The following TOP2A variants were observed in gnomAD, a reference collection of about 807,000 sequenced individuals.
TOP2A encodes DNA topoisomerase II alpha, also known as DNA topoisomerase 2-alpha.
Under a neutral mutation model 187.2 loss-of-function variants are expected in TOP2A, and 68 were observed. That is an observed-to-expected ratio of 0.36 (90% CI 0.30 to 0.44). TOP2A has a LOEUF of 0.44. Among genes scored for constraint, TOP2A ranks in the 20% least tolerant of loss-of-function variants. The pLI, the probability that TOP2A is intolerant of heterozygous loss-of-function variation, is 1.00. For synonymous variants in TOP2A, 542 were observed against 593.2 expected (o/e 0.91, Z 1.25); for missense variants, 1,196 against 1,808.7 (o/e 0.66, Z 6.14).
intron 20 of TOP2A, among the ~76,000 whole-genome samples, chr17:40,402,520 A>G (rs2035194715): frequency 6.6e-6 from 1 of 152,324 alleles, no homozygotes; most frequent in Middle Eastern, 3.4e-3. Context: ...CCAAATAAAG[A>G]GTTTCAAGAA....
rs755639982 is a variant in TOP2A, at chr17:40,392,668, C to G, written c.3881G>C (p.Trp1294Ser). 6.2e-7 allele frequency: 1 copy of G among 1,613,094 alleles called. No individual in the cohort carries two copies. The highest frequency in any genetic ancestry group is 1.1e-5 in the South Asian group (1 of 91,068). ...PIKKGKKRNP[W>S]SDSESDRSSD... is the part of the protein sequence containing the mutation. The stretch of plus-strand genomic sequence containing the variant: ...GCTCCTATCTGATTCTGAATCAGAC[C>G]AGGGATTTCTCTTCTTTCCTTTTTT... Residue 1294 changes from tryptophan to serine, a missense_variant, in exon 30 of 35, where the codon TGG becomes TCG. This residue lies in a region of TOP2A where 374 missense variants were observed against 403.3 expected (regional missense o/e 0.93). Coordinates refer to ENST00000423485, the MANE Select transcript of TOP2A (RefSeq NM_001067.4).
intron 32 of TOP2A, 170 bp from the exon 33 acceptor site, chr17:40,391,810 C>T (rs547533235): frequency 1.1e-6 from 1 of 892,548 alleles, no homozygotes; most frequent in East Asian, 2.8e-5. Context: ...TTTTTATCAG[C>T]AAGAACAGTT....
At position 40,410,622 on chromosome 17, in the gene TOP2A, C is replaced by T. The variant is rs1272689498; in HGVS notation, c.1203+487G>A. 4 of 456,272 alleles carry T rather than the reference C, an allele frequency of 8.8e-6. No homozygotes were observed. The Admixed American group carries it at 9.4e-5, about 11-fold the overall frequency. 28.3% of individuals were successfully genotyped at this position (456,272 alleles called of 1,614,324 possible). A position where few individuals can be genotyped will look rare whatever the true frequency, so the allele number is the denominator to read the frequency against. Reference sequence around the variant, plus strand: ...AATGGTGAGAAGCTACTGCAGCATCCAAGAGATGATTCTTATTGACCGGAT... The same window carrying T: ...AATGGTGAGAAGCTACTGCAGCATCTAAGAGATGATTCTTATTGACCGGAT... On this transcript the variant is annotated intron_variant, in intron 10 of 34. Coordinates refer to ENST00000423485, the MANE Select transcript of TOP2A (RefSeq NM_001067.4).
rs754086154 is a variant in TOP2A, at chr17:40,406,614, G to T, written c.1813C>A (p.His605Asn). 1 of 1,611,546 alleles carries T rather than the reference G, an allele frequency of 6.2e-7. No individual in the cohort carries two copies. The highest frequency in any genetic ancestry group is 8.5e-7 in the Non-Finnish European group (1 of 1,179,258). Residue 605 changes from histidine (H) to asparagine (N), a missense_variant, in exon 15 of 35, where the codon CAT (histidine) becomes AAT (asparagine). Coordinates refer to ENST00000423485, the MANE Select transcript of TOP2A (RefSeq NM_001067.4). ...TAATATTTGACTTTCCATTTTTTAT[G>T]ATTTGGAGTAGAACTCTTCCACTCT... The part of the protein sequence containing the change: ...FEEWKSSTPN[H>N]KKWKVKYYKG...
At position 40,413,641 on chromosome 17, in the gene TOP2A, T is replaced by G; in HGVS notation, c.333-16A>C. Reference sequence around the variant, plus strand: ...ATTGTTTTCCCTAAGAAAAAAAGATTGAAAATTGTATTTTACAACACATTA... The same window carrying G: ...ATTGTTTTCCCTAAGAAAAAAAGATGGAAAATTGTATTTTACAACACATTA... On this transcript the variant is annotated splice_polypyrimidine_tract_variant and intron_variant, in intron 4 of 34. Transcript: ENST00000423485. 8.3e-7 allele frequency: 1 copy of G among 1,211,596 alleles called. No individual in the cohort carries two copies. The highest frequency in any genetic ancestry group is 1.1e-6 in the Non-Finnish European group (1 of 876,802). The allele number at this position is 1,211,596 out of a possible 1,614,324, so 75.1% of individuals were successfully genotyped here. A position where few individuals can be genotyped will look rare whatever the true frequency, so the allele number is the denominator to read the frequency against.
chr17:40,399,355 G>A (rs2035146041), intron 24 of TOP2A: 1 of 484,732 alleles, frequency 2.1e-6, no homozygotes, highest in Non-Finnish European at 3.7e-6. Flanking sequence ...TTTTTTTTTG[G>A]AGACAGGGTC....
At position 40,399,994 on chromosome 17, in the gene TOP2A, A is replaced by T. The variant is rs2035155019; in HGVS notation, c.3074T>A (p.Leu1025His). ...TCTTAATCCATAATATTTAAGTCTG[A>T]GTTCAAAAAAGTCTCTTAGAATATC... ...VLDILRDFFE[L>H]RLKYYGLRKE... The change falls in exon 24 of 35, where the codon CTC becomes CAC. Residue 1025 changes from leucine to histidine, a missense_variant. By Grantham distance (99) the Leu-to-His change is moderately conservative. Coordinates refer to ENST00000423485, the MANE Select transcript of TOP2A (RefSeq NM_001067.4). The T allele has an allele frequency of 6.2e-7, 1 of 1,613,292 alleles. No individual in the cohort carries two copies. The highest frequency in any genetic ancestry group is 8.5e-7 in the Non-Finnish European group (1 of 1,179,684).
chr17:40,406,737 T>C (rs1044270585), intron 14 of TOP2A, 48 bp from the exon 15 acceptor site: 3 of 1,574,400 alleles, frequency 1.9e-6, no homozygotes, highest in Non-Finnish European at 1.7e-6. Context: ...TGGGGTCCCC[T>C]GTATACCACT....
intron 29 of TOP2A, among the ~76,000 whole-genome samples, chr17:40,394,280 G>C (rs966573186): frequency 6.6e-6 from 1 of 152,050 alleles, no homozygotes; most frequent in Non-Finnish European, 1.5e-5. Context: ...TTTTCTTGGG[G>C]GGCAATAAAT....
chr17:40,396,579 A>G, intron 27 of TOP2A, 114 bp from the exon 28 acceptor site: 2 of 1,316,546 alleles, frequency 1.5e-6, no homozygotes, highest in Non-Finnish European at 2.1e-6. Context: ...CTAGTGATAA[A>G]TTGCTCCATA....
At position 40,404,824 on chromosome 17, in the gene TOP2A, A is replaced by G. The variant is rs982145824; in HGVS notation, c.2013T>C (p.Asp671=). The change falls in exon 17 of 35, where the codon GAT becomes GAC. Residue 671 remains aspartate, a synonymous_variant. Transcript: ENST00000423485. ...GCCCAAGTAACTTTCGTTGTCTTCT[A>G]TCCTCCATGAAATTAGTTAACCATT... ...RKEWLTNFME[D]RRQRKLLGLP... 10 of 1,605,340 alleles carry G rather than the reference A, an allele frequency of 6.2e-6. No individual in the cohort carries two copies. The highest frequency in any genetic ancestry group is 2.2e-5 in the South Asian group (2 of 89,444).
intron 11 of TOP2A, 135 bp downstream of exon 11, chr17:40,408,357 G>A (rs1598616725): frequency 1.0e-6 from 1 of 1,004,728 alleles, no homozygotes; most frequent in East Asian, 2.7e-5. Context: ...ATAGGAAACG[G>A]GCCGATTTTT....
intron 29 of TOP2A, 127 bp from the exon 30 acceptor site, chr17:40,392,864 A>G: frequency 1.3e-6 from 1 of 796,780 alleles, no homozygotes; most frequent in Non-Finnish European, 2.0e-6. Flanking sequence ...GAAAAGAGAC[A>G]GATATGGTCT....
chr17:40,392,546 T>C lies in TOP2A; in HGVS notation c.3964+39A>G, dbSNP rs143936646. The C allele has an allele frequency of 9.5e-5, 151 of 1,585,548 alleles. 2 individuals are homozygous for C. The East Asian group carries it at 3.4e-3, about 35-fold the overall frequency. On this transcript the variant is annotated intron_variant, in intron 30 of 34. Transcript: ENST00000423485. ...CCCTGAAGTATATTGGCCATTCCAC[T>C]CTTACAGTTTATCTATAATGTTCTT...
chr17:40,389,731 A>G (rs531771826), intron 34 of TOP2A, 84 bp from the exon 35 acceptor site: 1 of 1,482,154 alleles, frequency 6.7e-7, no homozygotes, highest in African/African-American at 1.4e-5. Flanking sequence ...AAGACACTAT[A>G]TTCAAGGAGT....
At chr17:40,406,544 A>T in intron 15 of TOP2A, 40 bp downstream of exon 15, 2 of 1,605,852 alleles carry the variant, frequency 1.2e-6, no homozygotes, top group Non-Finnish European at 1.7e-6. Flanking sequence ...TACAGGGTGT[A>T]TAATAAAATG....
chr17:40,408,726 G>A, intron 10 of TOP2A, 96 bp from the exon 11 acceptor site: 1 of 1,323,228 alleles, frequency 7.6e-7, no homozygotes, highest in Non-Finnish European at 1.1e-6. Flanking sequence ...AAATAAAAAT[G>A]ATTCAAAAAT....
chr17:40,396,610 T>C (rs1298683229), intron 27 of TOP2A, 145 bp from the exon 28 acceptor site: 16 of 994,980 alleles, frequency 1.6e-5, no homozygotes, highest in Non-Finnish European at 2.1e-5. Flanking sequence ...CTATCAACAA[T>C]AGTGAAGATG....
intron 4 of TOP2A, among the ~76,000 whole-genome samples, chr17:40,414,945 A>C (rs1844254029): frequency 6.6e-6 from 1 of 151,470 alleles, no homozygotes; most frequent in African/African-American, 2.4e-5. Flanking sequence ...CAGTTATTTT[A>C]AGTTAATTCT....
Sources: gnomAD v4.1 joint callset for allele counts (sites outside exome capture counted in the v4.1 genomes callset) on GRCh38, gnomAD v4.1.1 for gene constraint, gnomAD v4.1.1 regional missense constraint, MANE v1.5 for transcripts, NCBI Gene and HGNC (gene_info 2026-07-23, HGNC 2026-07-21) for gene names.